FOXP1: variants seen among roughly 807,000 people sequenced by gnomAD.
FOXP1 encodes forkhead box protein P1.
In FOXP1, 15 loss-of-function variants were observed where a neutral mutation model predicts 98.2. That is an observed-to-expected ratio of 0.15 (90% CI 0.10 to 0.24). The LOEUF (loss-of-function observed/expected upper bound fraction) is 0.24. Ranked by LOEUF, FOXP1 falls within the 10% of genes least tolerant of loss-of-function variation. The pLI is 1.00. For synonymous variants in FOXP1, 371 were observed against 314.5 expected (o/e 1.18, Z -1.90); for missense variants, 633 against 848.5 (o/e 0.75, Z 3.15).
intron 5 of FOXP1, among the ~76,000 whole-genome samples, chr3:71,264,117 C>A (rs1422254073): frequency 6.6e-6 from 1 of 152,108 alleles, no homozygotes; most frequent in East Asian, 1.9e-4. Flanking sequence ...TTAATACTTA[C>A]ATACAACTAT....
intron 14 of FOXP1, among the ~76,000 whole-genome samples, chr3:70,987,231 T>C (rs537734660): frequency 6.6e-5 from 10 of 152,284 alleles, no homozygotes; most frequent in African/African-American, 1.9e-4. Context: ...GTAAGAGGAA[T>C]ATGACCGTTA....
intron 11 of FOXP1, among the ~76,000 whole-genome samples, chr3:71,016,656 AACACACACAC>A (rs4056100): frequency 1.2e-4 from 18 of 146,148 alleles, no homozygotes; most frequent in Admixed American, 6.2e-4. Flanking sequence ...TGATTACAAG[AACACACACAC>A]ACACACACAC....
At chr3:71,582,707 C>G in intron 1 of FOXP1, 2 of 985,332 alleles carry the variant, frequency 2.0e-6, no homozygotes, top group Non-Finnish European at 2.4e-6. Flanking sequence ...ACCCGTGGAT[C>G]TGGCCACGGC....
At chr3:71,410,885 T>A (rs1193679485) in intron 3 of FOXP1, among the ~76,000 whole-genome samples, 1 of 152,236 alleles carries the variant, frequency 6.6e-6, no homozygotes, top group Non-Finnish European at 1.5e-5. Context: ...GGTATTTGTC[T>A]ATTTCCTCGC....
chr3:71,515,959 C>T (rs1237364324), intron 2 of FOXP1, among the ~76,000 whole-genome samples: 1 of 152,156 alleles, frequency 6.6e-6, no homozygotes. Context: ...TGGCCAGTGT[C>T]GTTCATCTGA....
chr3:71,478,577 G>A (rs911701188), intron 3 of FOXP1, among the ~76,000 whole-genome samples: 1 of 152,242 alleles, frequency 6.6e-6, no homozygotes, highest in South Asian at 2.1e-4. Context: ...TGAAGGCAAT[G>A]TTTACAGCCT....
At chr3:71,499,823 A>G (rs969873471) in intron 2 of FOXP1, among the ~76,000 whole-genome samples, 22 of 152,276 alleles carry the variant, frequency 1.4e-4, no homozygotes, top group African/African-American at 4.8e-4. Flanking sequence ...AGTTCAAAAA[A>G]GCACATCAGC....
At position 71,038,419 on chromosome 3, in the gene FOXP1, G is replaced by C. The variant is rs552680658; in HGVS notation, c.869+2909C>G. The stretch of plus-strand genomic sequence containing the variant: ...CAGAAATCAAAGAAGAGCTTGGAAG[G>C]ACACGTATTTCACAAATGCATTGAT... On this transcript the variant is annotated intron_variant, in intron 11 of 20. Coordinates refer to ENST00000649528, the MANE Select transcript of FOXP1 (RefSeq NM_001349338.3). Among the ~76,000 whole-genome samples, 9 of 152,250 alleles carry C rather than the reference G, an allele frequency of 5.9e-5. No individual in the cohort carries two copies. In the South Asian group the frequency reaches 1.9e-3, roughly 32 times the overall value.
chr3:71,090,883 C>T (rs2055738770), intron 7 of FOXP1, among the ~76,000 whole-genome samples: 2 of 152,110 alleles, frequency 1.3e-5, no homozygotes, highest in African/African-American at 2.4e-5. Flanking sequence ...AAATGCACTT[C>T]GCTCTGAAAT....
In FOXP1 at chr3:71,394,904, C is replaced by G. The variant is rs151177723; in HGVS notation, c.-167-35660G>C. On this transcript the variant is annotated intron_variant, in intron 3 of 20. Transcript: ENST00000649528. Reference sequence around the variant, plus strand: ...TCACCTGAGGTCGGGAGTTCGAGACCAGCCTGACCAACATGGAGAAACCTC... The same window carrying G: ...TCACCTGAGGTCGGGAGTTCGAGACGAGCCTGACCAACATGGAGAAACCTC... Among the ~76,000 whole-genome samples the G allele has an allele frequency of 6.0e-3, 907 of 152,038 alleles. 13 individuals carry two copies. The highest frequency in any genetic ancestry group is 0.02 in the African/African-American group (840 of 41,466).
chr3:71,247,514 G>A (rs1281302586), intron 5 of FOXP1, among the ~76,000 whole-genome samples: 4 of 152,152 alleles, frequency 2.6e-5, no homozygotes, highest in Non-Finnish European at 4.4e-5. Context: ...GAAGAGAGAG[G>A]TGTGCTGCTG....
At chr3:71,498,685 C>T (rs2041095734) in intron 2 of FOXP1, among the ~76,000 whole-genome samples, 1 of 152,196 alleles carries the variant, frequency 6.6e-6, no homozygotes, top group African/African-American at 2.4e-5. Context: ...AACAAAGGCC[C>T]TCTCAGCAAA....
chr3:70,992,845 C>T (rs2040817963), intron 13 of FOXP1, among the ~76,000 whole-genome samples: 3 of 152,098 alleles, frequency 2.0e-5, no homozygotes, highest in Non-Finnish European at 4.4e-5. Flanking sequence ...CCCAGAGACT[C>T]TCTCTCTTCT....
At chr3:71,429,686 G>A (rs974143153) in intron 3 of FOXP1, among the ~76,000 whole-genome samples, 2 of 152,206 alleles carry the variant, frequency 1.3e-5, no homozygotes, top group African/African-American at 4.8e-5. Context: ...ATTCGTCTGT[G>A]TTAACTAAAT....
chr3:70,965,500 G>C (rs796859257), intron 20 of FOXP1, among the ~76,000 whole-genome samples: 2 of 152,150 alleles, frequency 1.3e-5, no homozygotes, highest in South Asian at 2.1e-4. Context: ...GCACCACCAA[G>C]TAAACAAGCA....
chr3:71,182,018 G>A (rs1391274175), intron 6 of FOXP1, among the ~76,000 whole-genome samples: 1 of 140,232 alleles, frequency 7.1e-6, no homozygotes, highest in African/African-American at 2.8e-5. Flanking sequence ...CTGGGTGACA[G>A]AGCGAGACTC....
chr3:71,451,348 C>T (rs1172062236), intron 3 of FOXP1, among the ~76,000 whole-genome samples: 2 of 152,078 alleles, frequency 1.3e-5, no homozygotes, highest in Admixed American at 6.5e-5. Context: ...TGTGAAAGCC[C>T]GATGAAATGC....
At chr3:71,325,288 G>C (rs557745146) in intron 4 of FOXP1, among the ~76,000 whole-genome samples, 2 of 152,200 alleles carry the variant, frequency 1.3e-5, no homozygotes, top group East Asian at 3.9e-4. Flanking sequence ...CCTGGCCTCA[G>C]GTGATTTGCC....
At chr3:71,402,433 C>T (rs1030771406) in intron 3 of FOXP1, among the ~76,000 whole-genome samples, 9 of 151,750 alleles carry the variant, frequency 5.9e-5, no homozygotes, top group African/African-American at 1.2e-4. Flanking sequence ...CCAGCCTGGG[C>T]GAAAAAATGA....
Sources: gnomAD v4.1 joint callset for allele counts (sites outside exome capture counted in the v4.1 genomes callset) on GRCh38, gnomAD v4.1.1 for gene constraint, MANE v1.5 for transcripts, NCBI Gene and HGNC (gene_info 2026-07-23, HGNC 2026-07-21) for gene names.